The following DOCK1 variants were observed in gnomAD, a reference collection of about 807,000 sequenced individuals.
The protein encoded by DOCK1 is dedicator of cytokinesis 1.
In DOCK1, 138 loss-of-function variants were observed where a neutral mutation model predicts 262.7. The ratio of observed to expected loss-of-function variants is 0.53; its 90% CI spans 0.46 to 0.61. The LOEUF (loss-of-function observed/expected upper bound fraction) is 0.61. Ranked by LOEUF, DOCK1 falls within the 20% of genes least tolerant of loss-of-function variation. The probability of loss-of-function intolerance (pLI) is 0.00; values close to 1 mark genes in which losing one functional copy is unlikely to be tolerated. For missense variants in DOCK1, 1,908 were observed against 2,370.7 expected (o/e 0.80, Z 4.05); for synonymous variants, 866 against 867.4 (o/e 1.00, Z 0.03).
intron 27 of DOCK1, chr10:127,154,021 C>A: frequency 1.2e-6 from 1 of 818,552 alleles, no homozygotes; most frequent in Non-Finnish European, 2.1e-6. Flanking sequence ...CAATGCCAAG[C>A]TCATCATGGT....
rs535997415 is a variant in DOCK1 at position 127,012,514 on chromosome 10, G to A, written c.1201+140G>A. ...TGACAGTGATCGTGGTGGAGAATGT[G>A]TGTGACAGTTGCCCCTGTGTACAGT... On this transcript the variant is annotated intron_variant, in intron 12 of 51. Transcript: ENST00000623213. This position sits in a 1 kb window ranked among gnomAD's most constrained non-coding sequence, Gnocchi z 4.0. 11 of 749,088 alleles carry A rather than the reference G, an allele frequency of 1.5e-5. No individual in the cohort carries two copies. In the East Asian group the frequency reaches 2.4e-4, roughly 16 times the overall value. The allele number at this position is 749,088 out of a possible 1,614,324, so 46.4% of individuals were successfully genotyped here.
At chr10:127,253,625 G>A (rs558565243) in intron 28 of DOCK1, among the ~76,000 whole-genome samples, 29 of 152,212 alleles carry the variant, frequency 1.9e-4, no homozygotes, top group African/African-American at 6.7e-4. Context: ...TGTAATCCCA[G>A]CACTTTGGGA....
At chr10:127,294,936 C>T (rs1042429594) in intron 29 of DOCK1, among the ~76,000 whole-genome samples, 3 of 152,186 alleles carry the variant, frequency 2.0e-5, no homozygotes, top group African/African-American at 7.2e-5. Flanking sequence ...GCCACCACAC[C>T]TGGCCAAGTT....
At chr10:127,015,762 G>A (rs925554379) in intron 12 of DOCK1, among the ~76,000 whole-genome samples, 1 of 151,922 alleles carries the variant, frequency 6.6e-6, no homozygotes, top group Non-Finnish European at 1.5e-5. Flanking sequence ...TCCCTGCTGC[G>A]ATTCCATCCC....
rs2055088812 is a variant in DOCK1 at position 127,175,977 on chromosome 10, T to C, written c.2847+48213T>C. The stretch of plus-strand genomic sequence containing the variant: ...TTTCGCATCTGTTAGAAACCCATTG[T>C]TTTGGCTTTTAAAGGGATCTGCAGC... On this transcript the variant is annotated intron_variant, in intron 27 of 51. Coordinates refer to ENST00000623213, the MANE Select transcript of DOCK1 (RefSeq NM_001290223.2). This position sits in a 1 kb window ranked among gnomAD's most constrained non-coding sequence, Gnocchi z 6.3. The C allele has an allele frequency of 1.2e-6, 2 of 1,614,024 alleles. No homozygotes were observed.
At position 127,032,207 on chromosome 10, in the gene DOCK1, A is replaced by C. The variant is rs1463359784; in HGVS notation, c.1799A>C (p.Glu600Ala). 6.2e-7 allele frequency: 1 copy of C among 1,600,394 alleles called. No individual in the cohort carries two copies. Among genetic ancestry groups the C allele is most frequent in the Non-Finnish European group, 8.5e-7 (1 of 1,173,470 alleles). The change falls in exon 18 of 52, where the codon GAA becomes GCA. Residue 600 changes from glutamate (E) to alanine (A), a missense_variant. Physicochemically the swap from Glu to Ala is moderately radical, Grantham distance 107. Around this residue, in one of 9 missense-constraint regions of DOCK1, gnomAD observed 294 missense variants for 439.9 expected, o/e 0.67. Transcript: ENST00000623213. ...SLPSTKAELE[E>A]KGHSATGKSM... ...CCCTCCACGAAGGCAGAGTTGGAAG[A>C]AAAGGGCCACTCGGCCACCGGCAAG...
chr10:127,322,589 G>T (rs1057413811), intron 29 of DOCK1, among the ~76,000 whole-genome samples: 4 of 152,178 alleles, frequency 2.6e-5, no homozygotes, highest in Admixed American at 1.3e-4. Flanking sequence ...TGTCCCACAA[G>T]CTAGGAATAG....
intron 25 of DOCK1, among the ~76,000 whole-genome samples, chr10:127,123,628 A>G (rs906166305): frequency 7.9e-5 from 12 of 152,168 alleles, no homozygotes; most frequent in African/African-American, 2.9e-4. Context: ...ATTTGGGGGT[A>G]TTTGTGGAAA....
chr10:127,142,505 A>G (rs909541243), intron 27 of DOCK1, among the ~76,000 whole-genome samples: 22 of 152,262 alleles, frequency 1.4e-4, no homozygotes, highest in African/African-American at 5.1e-4. Flanking sequence ...GATTCTTGAG[A>G]TTCAAAGCAT....
intron 48 of DOCK1, among the ~76,000 whole-genome samples, 155 bp downstream of exon 48, chr10:127,433,583 C>T (rs1230434158): frequency 2.0e-5 from 3 of 152,042 alleles, no homozygotes; most frequent in Admixed American, 6.6e-5. Flanking sequence ...ACTTTCTGAC[C>T]GTAGTGCCCA....
intron 29 of DOCK1, among the ~76,000 whole-genome samples, chr10:127,293,360 G>A (rs996090052): frequency 2.0e-5 from 3 of 152,238 alleles, no homozygotes; most frequent in Admixed American, 1.3e-4. Flanking sequence ...GAGAACACAA[G>A]TGGGCTGAGT....
At chr10:127,048,990 G>A (rs2044528103) in intron 21 of DOCK1, among the ~76,000 whole-genome samples, 2 of 152,114 alleles carry the variant, frequency 1.3e-5, no homozygotes, top group Admixed American at 1.3e-4. Flanking sequence ...GTTTATTATT[G>A]CGCTGGAAGT....
intron 23 of DOCK1, among the ~76,000 whole-genome samples, chr10:127,089,210 G>C (rs541436987): frequency 2.6e-5 from 4 of 152,274 alleles, no homozygotes; most frequent in East Asian, 3.9e-4. Flanking sequence ...CCGTGACTCA[G>C]CTCTGCTCCT....
intron 33 of DOCK1, among the ~76,000 whole-genome samples, chr10:127,372,745 A>G (rs2065274196): frequency 6.6e-6 from 1 of 152,206 alleles, no homozygotes. Flanking sequence ...GAGATCCTGG[A>G]GACCCTTGCA....
intron 29 of DOCK1, 27 bp downstream of exon 29, chr10:127,257,456 C>G (rs746176010): frequency 6.4e-7 from 1 of 1,564,384 alleles, no homozygotes; most frequent in Admixed American, 1.8e-5. Flanking sequence ...CGGCTCTCAC[C>G]TTTTCTATGG....
chr10:126,957,933 C>T (rs1455343574), intron 1 of DOCK1, among the ~76,000 whole-genome samples: 1 of 152,188 alleles, frequency 6.6e-6, no homozygotes, highest in Non-Finnish European at 1.5e-5. Context: ...ATTCATGTGG[C>T]TCAAAATGTT....
intron 40 of DOCK1, among the ~76,000 whole-genome samples, chr10:127,407,657 C>G (rs1185692067): frequency 6.6e-6 from 1 of 152,158 alleles, no homozygotes; most frequent in Non-Finnish European, 1.5e-5. Flanking sequence ...ATGCTGTCCT[C>G]TCTGTCTGTC....
intron 23 of DOCK1, among the ~76,000 whole-genome samples, chr10:127,094,673 T>C (rs1008987101): frequency 1.3e-5 from 2 of 152,224 alleles, no homozygotes; most frequent in Non-Finnish European, 2.9e-5. Flanking sequence ...ACTTATCTTC[T>C]ACCCACTTCT....
At chr10:127,332,302 C>T (rs2063020176) in intron 29 of DOCK1, among the ~76,000 whole-genome samples, 1 of 152,160 alleles carries the variant, frequency 6.6e-6, no homozygotes, top group Non-Finnish European at 1.5e-5. Context: ...GAAGAAAGGT[C>T]TGGGGCATTT....
Sources: gnomAD v4.1 joint callset for allele counts (sites outside exome capture counted in the v4.1 genomes callset) on GRCh38, gnomAD v4.1.1 for gene constraint, gnomAD v4.1.1 regional missense constraint, Gnocchi (gnomAD v3.1) non-coding constraint, MANE v1.5 for transcripts, NCBI Gene and HGNC (gene_info 2026-07-23, HGNC 2026-07-21) for gene names.